The following NAA25 variants were observed in gnomAD, a reference collection of about 807,000 sequenced individuals.
NAA25 encodes N-alpha-acetyltransferase 25, NatB auxiliary subunit.
NAA25 carries 30 observed loss-of-function variants against 132.5 expected under a neutral mutation model. The ratio of observed to expected loss-of-function variants is 0.23; its 90% CI spans 0.17 to 0.31. The LOEUF (loss-of-function observed/expected upper bound fraction) is 0.31, where lower values mean the gene tolerates loss of function less well. Ranked by LOEUF, NAA25 falls within the 10% of genes least tolerant of loss-of-function variation. The pLI is 1.00. For missense variants in NAA25, 771 were observed against 1,150.4 expected (o/e 0.67, Z 4.77); for synonymous variants, 359 against 401.9 (o/e 0.89, Z 1.28).
intron 13 of NAA25, among the ~76,000 whole-genome samples, chr12:112,057,529 T>A (rs1469771328): frequency 1.3e-5 from 2 of 152,138 alleles, no homozygotes; most frequent in Non-Finnish European, 2.9e-5. Flanking sequence ...ATGACAAGGA[T>A]TTCACTCTCA....
At chr12:112,100,682 C>T (rs1309191947) in intron 1 of NAA25, among the ~76,000 whole-genome samples, 1 of 138,456 alleles carries the variant, frequency 7.2e-6, no homozygotes, top group Non-Finnish European at 1.5e-5. Context: ...TGCAGTGGCT[C>T]GATCTTGGCT....
chr12:112,039,429 C>A (rs140359135), intron 21 of NAA25, 90 bp from the exon 22 acceptor site: 1 of 747,492 alleles, frequency 1.3e-6, no homozygotes, highest in South Asian at 1.7e-5. Flanking sequence ...CAAATTCTAA[C>A]GCAGTTCTTC....
chr12:112,078,207 G>A lies in NAA25; in HGVS notation c.645C>T (p.Val215=), dbSNP rs1042391032. Residue 215 remains valine (V), a synonymous_variant, in exon 7 of 24, where the codon GTC becomes GTT. Coordinates refer to ENST00000261745, the MANE Select transcript of NAA25 (RefSeq NM_024953.4). ...AATTACCTCCTAATTTCCCTCTGAT[G>A]ACATCCAAGGCCTCCTGGTACTTTC... The part of the protein sequence containing the change: ...RLGKYQEALD[V]IRGKLGEKLT... 2 of 1,599,866 alleles carry A rather than the reference G, an allele frequency of 1.3e-6. No individual in the cohort carries two copies. The highest frequency in any genetic ancestry group is 2.7e-5 in the African/African-American group (2 of 74,014).
At chr12:112,106,588 C>T (rs906127770) in intron 1 of NAA25, among the ~76,000 whole-genome samples, 5 of 152,134 alleles carry the variant, frequency 3.3e-5, no homozygotes, top group African/African-American at 1.2e-4. Context: ...TTCTCTGCCA[C>T]TTACCATCTG....
At chr12:112,085,954 T>G (rs767266312) in intron 4 of NAA25, among the ~76,000 whole-genome samples, 30 of 124,336 alleles carry the variant, frequency 2.4e-4, no homozygotes, top group African/African-American at 9.5e-4. Flanking sequence ...GAGGTGGAGG[T>G]TGCAGTGAGA....
At chr12:112,072,250 T>C (rs2078820898) in intron 9 of NAA25, among the ~76,000 whole-genome samples, 186 bp from the exon 10 acceptor site, 1 of 152,188 alleles carries the variant, frequency 6.6e-6, no homozygotes, top group Non-Finnish European at 1.5e-5. Flanking sequence ...CTCTCAATTT[T>C]GGCATTTGAT....
intron 1 of NAA25, among the ~76,000 whole-genome samples, 192 bp downstream of exon 1, chr12:112,108,524 C>A (rs1490205320): frequency 6.6e-6 from 1 of 151,974 alleles, no homozygotes; most frequent in East Asian, 1.9e-4. Context: ...GCCACTACCA[C>A]CCCAAGGCTG....
At position 112,100,614 on chromosome 12, in the gene NAA25, C is replaced by CTTT. The variant is rs71083200; in HGVS notation, c.59-7481_59-7479dup. Among the ~76,000 whole-genome samples, 305 of 100,618 alleles carry CTTT rather than the reference C, an allele frequency of 3.0e-3. 7 individuals carry two copies. Among genetic ancestry groups the CTTT allele is most frequent in the East Asian group, 0.027 (64 of 2,386 alleles). The allele number at this position is 100,618 out of a possible 152,430, so 66.0% of individuals were successfully genotyped here. A position where few individuals can be genotyped will look rare whatever the true frequency, so the allele number is the denominator to read the frequency against. ...TTTTCACAGGTATTGATTCCATTGT[C>CTTT]TTTTTTTTTTTTTTTTTTTTTTTGA... is the stretch of plus-strand genomic sequence containing the variant. On this transcript the variant is annotated intron_variant, in intron 1 of 23. Transcript: ENST00000261745.
chr12:112,085,701 T>A (rs2079036076), intron 4 of NAA25, among the ~76,000 whole-genome samples: 1 of 152,018 alleles, frequency 6.6e-6, no homozygotes, highest in Non-Finnish European at 1.5e-5. Context: ...TGTATATATG[T>A]TAGCATTGCC....
At chr12:112,082,038 G>A (rs1156448667) in intron 4 of NAA25, among the ~76,000 whole-genome samples, 1 of 152,086 alleles carries the variant, frequency 6.6e-6, no homozygotes, top group Non-Finnish European at 1.5e-5. Flanking sequence ...ATCATCTGAG[G>A]TCAGGAGTTC....
chr12:112,030,078 T>A (rs1054607542), intron 23 of NAA25, among the ~76,000 whole-genome samples: 4 of 151,956 alleles, frequency 2.6e-5, no homozygotes, highest in Admixed American at 2.6e-4. Context: ...CCAGGCATGG[T>A]GTCACACACC....
At chr12:112,043,515 A>G (rs933970393) in intron 18 of NAA25, 110 bp downstream of exon 18, 3 of 1,274,156 alleles carry the variant, frequency 2.4e-6, no homozygotes, top group Non-Finnish European at 3.3e-6. Context: ...CAGAAGCCAT[A>G]AACTGGGACA....
At chr12:112,075,010 A>C (rs887639000) in intron 8 of NAA25, among the ~76,000 whole-genome samples, 2 of 152,198 alleles carry the variant, frequency 1.3e-5, no homozygotes, top group Admixed American at 6.5e-5. Context: ...TAGAAAACTA[A>C]TATTCATAAC....
intron 16 of NAA25, 104 bp downstream of exon 16, chr12:112,048,188 C>T: frequency 8.9e-7 from 1 of 1,124,346 alleles, no homozygotes; most frequent in Admixed American, 2.6e-5. Flanking sequence ...CTTTTTTCCC[C>T]CTATTTTACC....
intron 19 of NAA25, 133 bp downstream of exon 19, chr12:112,042,955 C>T (rs752851620): frequency 1.0e-5 from 8 of 766,772 alleles, no homozygotes; most frequent in Non-Finnish European, 1.6e-5. Flanking sequence ...TCATACACTA[C>T]ACCACACATT....
At chr12:112,060,825 T>C (rs1262717917) in intron 12 of NAA25, among the ~76,000 whole-genome samples, 1 of 152,192 alleles carries the variant, frequency 6.6e-6, no homozygotes, top group Non-Finnish European at 1.5e-5. Context: ...TAAATATTTA[T>C]CTTACAATTT....
chr12:112,048,276 C>A lies in NAA25; in HGVS notation c.1880+16G>T. ...CTAATCCCTTAGTTCCTTTATAGCT[C>A]TCATGCAATACTTACATATTTGCTT... On this transcript the variant is annotated intron_variant, in intron 16 of 23. Coordinates refer to ENST00000261745, the MANE Select transcript of NAA25 (RefSeq NM_024953.4). 1 of 1,607,098 alleles carries A rather than the reference C, an allele frequency of 6.2e-7. No individual in the cohort carries two copies. The highest frequency in any genetic ancestry group is 1.1e-5 in the South Asian group (1 of 90,518).
chr12:112,039,193 T>C (rs1350693701), intron 22 of NAA25, 36 bp downstream of exon 22: 20 of 1,305,244 alleles, frequency 1.5e-5, no homozygotes, highest in South Asian at 4.0e-5. Flanking sequence ...TGTGGTCAGA[T>C]TGTTCCTTGT....
intron 11 of NAA25, among the ~76,000 whole-genome samples, chr12:112,064,584 T>C (rs2078686998): frequency 6.6e-6 from 1 of 152,198 alleles, no homozygotes; most frequent in African/African-American, 2.4e-5. Context: ...AGTTCTTCTA[T>C]TCTTGCAAGC....
Sources: allele counts gnomAD v4.1 joint callset (sites outside exome capture counted in the v4.1 genomes callset), GRCh38; gene constraint gnomAD v4.1.1; transcripts MANE v1.5; gene names NCBI Gene and HGNC (gene_info 2026-07-23, HGNC 2026-07-21).